POGZ: variants seen among roughly 807,000 people sequenced by gnomAD.
POGZ encodes pogo transposable element derived with ZNF domain.
In POGZ, 17 loss-of-function variants were observed where a neutral mutation model predicts 134.6. The observed-to-expected ratio is 0.13, with a 90% CI of 0.09 to 0.19. The LOEUF is 0.19. Ranked by LOEUF, POGZ falls within the 10% of genes least tolerant of loss-of-function variation. The pLI is 1.00. For missense variants in POGZ, 1,306 were observed against 1,769.7 expected (o/e 0.74, Z 4.70); for synonymous variants, 693 against 657.1 (o/e 1.05, Z -0.84).
chr1:151,427,840 G>C lies in POGZ; in HGVS notation c.1061C>G (p.Pro354Arg). The C allele has an allele frequency of 6.2e-7, 1 of 1,612,438 alleles. No individual in the cohort carries two copies. The highest frequency in any genetic ancestry group is 8.5e-7 in the Non-Finnish European group (1 of 1,178,524). ...SAHGSQRTSG[P>R]ESSMKVTSSI... ...TATTGTACCTTTCATTGAAGACTCA[G>C]GTCCGCTGGTTCTTTGAGAGCCATG... is the stretch of plus-strand genomic sequence containing the variant. The change falls in exon 7 of 19, where the codon CCT becomes CGT. Residue 354 changes from proline (P) to arginine (R), a missense_variant. Pro to Arg is a moderately radical substitution (Grantham distance 103, BLOSUM62 -2). Coordinates refer to ENST00000271715, the MANE Select transcript of POGZ (RefSeq NM_015100.4).
At chr1:151,419,686 A>AAC (rs1656535515) in intron 10 of POGZ, among the ~76,000 whole-genome samples, 3 of 148,964 alleles carry the variant, frequency 2.0e-5, no homozygotes, top group South Asian at 4.2e-4. Flanking sequence ...AAAAAAAAAA[A>AAC]AAAAAAAAAC....
chr1:151,427,428 C>T (rs1657969238), intron 7 of POGZ: 1 of 228,436 alleles, frequency 4.4e-6, no homozygotes, highest in South Asian at 6.0e-5. Context: ...ACTACTAGGC[C>T]CTTTACAGAA....
chr1:151,456,021 G>A (rs1171083980), intron 1 of POGZ, among the ~76,000 whole-genome samples: 1 of 151,778 alleles, frequency 6.6e-6, no homozygotes, highest in Non-Finnish European at 1.5e-5. Context: ...GGGATTACAG[G>A]AGTGAGCCAC....
At chr1:151,445,520 C>CT (rs1661138200) in intron 1 of POGZ, among the ~76,000 whole-genome samples, 2 of 114,762 alleles carry the variant, frequency 1.7e-5, no homozygotes, top group Non-Finnish European at 3.3e-5. Context: ...CAGACTCTGT[C>CT]TCAAAAAAAA....
At chr1:151,445,815 A>G (rs199781742) in intron 1 of POGZ, among the ~76,000 whole-genome samples, 27 of 152,146 alleles carry the variant, frequency 1.8e-4, no homozygotes, top group Non-Finnish European at 2.8e-4. Context: ...TTCAGCATCT[A>G]TAACTCAGGG....
chr1:151,423,601 C>G, intron 9 of POGZ, 50 bp from the exon 10 acceptor site: 1 of 1,449,308 alleles, frequency 6.9e-7, no homozygotes, highest in Non-Finnish European at 9.5e-7. Flanking sequence ...AAATTGGTAG[C>G]CTTTTAGAAA....
At chr1:151,408,337 T>C (rs1571339914) in intron 14 of POGZ, 72 bp downstream of exon 14, 2 of 1,564,320 alleles carry the variant, frequency 1.3e-6, no homozygotes, top group East Asian at 2.2e-5. Context: ...AGCTACCAGA[T>C]TGCACTGTGT....
chr1:151,429,019 A>C (rs1255162250), intron 5 of POGZ, among the ~76,000 whole-genome samples: 1 of 152,210 alleles, frequency 6.6e-6, no homozygotes, highest in Non-Finnish European at 1.5e-5. Flanking sequence ...ACAAATAGCT[A>C]AATTAAGATA....
At chr1:151,437,683 C>G (rs537135231) in intron 3 of POGZ, among the ~76,000 whole-genome samples, 2 of 152,160 alleles carry the variant, frequency 1.3e-5, no homozygotes, top group East Asian at 1.9e-4. Flanking sequence ...ACCAGGGAGA[C>G]AGAGGTTGCA....
chr1:151,450,095 G>A (rs1031692322), intron 1 of POGZ, among the ~76,000 whole-genome samples: 1 of 126,490 alleles, frequency 7.9e-6, no homozygotes, highest in East Asian at 2.8e-4. Flanking sequence ...GCAGAGGCAC[G>A]ATCTCGGCTC....
intron 1 of POGZ, among the ~76,000 whole-genome samples, chr1:151,447,063 A>T (rs998273496): frequency 1.3e-5 from 2 of 152,098 alleles, no homozygotes; most frequent in African/African-American, 4.8e-5. Context: ...TAGGTCTAAA[A>T]GATAAGGACT....
chr1:151,440,821 T>G lies in POGZ; in HGVS notation c.283+107A>C, dbSNP rs576607958. 8.4e-6 allele frequency: 7 copies of G among 835,352 alleles called. No homozygotes were observed. In the African/African-American group the frequency reaches 8.5e-5, roughly 10 times the overall value. The allele number at this position is 835,352 out of a possible 1,614,324, so 51.7% of individuals were successfully genotyped here. ...ATTACTAAATTCATTTTCCAACTAG[T>G]AGAACCACATCTGTACCTAACTAAA... On this transcript the variant is annotated intron_variant, in intron 3 of 18. Coordinates refer to ENST00000271715, the MANE Select transcript of POGZ (RefSeq NM_015100.4).
intron 1 of POGZ, among the ~76,000 whole-genome samples, chr1:151,453,740 C>T (rs1662431868): frequency 2.6e-5 from 4 of 152,120 alleles, no homozygotes; most frequent in Admixed American, 2.6e-4. Context: ...ATGGGAGTAC[C>T]AGATAAATAC....
At chr1:151,433,252 ATTT>A (rs1363096613) in intron 3 of POGZ, among the ~76,000 whole-genome samples, 1 of 152,108 alleles carries the variant, frequency 6.6e-6, no homozygotes, top group Non-Finnish European at 1.5e-5. Context: ...TTTTAACAGC[ATTT>A]TCTGCAAATA....
In POGZ at chr1:151,427,919, G is replaced by T; in HGVS notation, c.982C>A (p.Pro328Thr). 6.2e-7 allele frequency: 1 copy of T among 1,614,004 alleles called. No individual in the cohort carries two copies. The highest frequency in any genetic ancestry group is 8.5e-7 in the Non-Finnish European group (1 of 1,179,904). The change falls in exon 7 of 19, where the codon CCT (proline) becomes ACT (threonine). Residue 328 changes from proline (P) to threonine (T), a missense_variant. Around this residue, in one of 10 missense-constraint regions of POGZ, gnomAD observed 541 missense variants for 680.5 expected, o/e 0.80. Transcript: ENST00000271715. ...GGCCCAGGACTCTGGCCCAGGGAAG[G>T]GATGGTGTTAAGGGTATTCACCAAT... The part of the protein sequence containing the change: ...AKLVNTLNTI[P>T]SLGQSPGPVV...
chr1:151,456,683 T>C (rs1231030349), intron 1 of POGZ, among the ~76,000 whole-genome samples: 3 of 152,328 alleles, frequency 2.0e-5, no homozygotes, highest in South Asian at 4.1e-4. Flanking sequence ...CCGGGCACGG[T>C]GGCTCATGCC....
chr1:151,446,135 T>C (rs144586741), intron 1 of POGZ, among the ~76,000 whole-genome samples: 284 of 140,326 alleles, frequency 2.0e-3, no homozygotes, highest in Admixed American at 4.2e-3. Flanking sequence ...TTACTAAATA[T>C]GCAGTGTTAA....
chr1:151,440,505 C>T (rs1353765061), intron 3 of POGZ, among the ~76,000 whole-genome samples: 3 of 152,104 alleles, frequency 2.0e-5, no homozygotes, highest in Non-Finnish European at 4.4e-5. Flanking sequence ...CAACCCTATC[C>T]TATCTTCCAT....
chr1:151,441,061 C>T lies in POGZ; in HGVS notation c.150G>A (p.Ser50=), dbSNP rs763481511. ...CATGGGCAGCGATGGGCACTGGAGC[C>T]GAGACTGGCTGCTGGCTCACAGAAA... ...TTVSVSQQPV[S]APVPIAAHAS... The change falls in exon 3 of 19, where the codon TCG becomes TCA. Residue 50 remains serine (S), a synonymous_variant. Transcript: ENST00000271715. 8.1e-6 allele frequency: 13 copies of T among 1,613,778 alleles called. No individual in the cohort carries two copies. The highest frequency in any genetic ancestry group is 2.2e-5 in the East Asian group (1 of 44,900).
Sources: allele counts gnomAD v4.1 joint callset (sites outside exome capture counted in the v4.1 genomes callset), GRCh38; gene constraint gnomAD v4.1.1; regional missense constraint gnomAD v4.1.1; transcripts MANE v1.5; gene names NCBI Gene and HGNC (gene_info 2026-07-23, HGNC 2026-07-21).